TRDN: variants seen among roughly 807,000 people sequenced by gnomAD.
The protein encoded by TRDN is triadin in skeletal muscle.
Under a neutral mutation model 149.7 loss-of-function variants are expected in TRDN, and 161 were observed. The ratio of observed to expected loss-of-function variants is 1.08; its 90% CI spans 0.95 to 1.23. TRDN has a LOEUF of 1.23. TRDN is among the 50% of genes most tolerant of loss of function. The pLI is 0.00. For missense variants in TRDN, 896 were observed against 823.5 expected, an observed-to-expected ratio of 1.09 and a Z score of -1.08; for synonymous variants, 294 against 250.5, an observed-to-expected ratio of 1.17 and a Z score of -1.64.
chr6:123,344,588 T>C (rs1320849642), intron 21 of TRDN, among the ~76,000 whole-genome samples: 1 of 152,056 alleles, frequency 6.6e-6, no homozygotes. Flanking sequence ...TTCTTCTATG[T>C]ATTTTTATGG....
At chr6:123,227,885 T>A (rs569044764) in intron 38 of TRDN, among the ~76,000 whole-genome samples, 58 of 151,874 alleles carry the variant, frequency 3.8e-4, no homozygotes, top group African/African-American at 1.3e-3. Flanking sequence ...GAGAGAGAGG[T>A]CCTGCCCAAG....
intron 21 of TRDN, among the ~76,000 whole-genome samples, chr6:123,342,366 A>G (rs1354820601): frequency 3.9e-5 from 6 of 151,942 alleles, no homozygotes; most frequent in African/African-American, 1.2e-4. Context: ...CTTTCAAAGA[A>G]AATTTTATTA....
intron 2 of TRDN, among the ~76,000 whole-genome samples, chr6:123,561,037 C>G (rs1018457933): frequency 6.6e-6 from 1 of 152,182 alleles, no homozygotes; most frequent in African/African-American, 2.4e-5. Flanking sequence ...CTCACATGCC[C>G]CGAGTCAGAA....
At chr6:123,526,446 A>G (rs1254583536) in intron 5 of TRDN, among the ~76,000 whole-genome samples, 1 of 152,024 alleles carries the variant, frequency 6.6e-6, no homozygotes, top group Non-Finnish European at 1.5e-5. Context: ...GAACAAAAAG[A>G]AGAAAGAAAA....
intron 2 of TRDN, among the ~76,000 whole-genome samples, chr6:123,550,836 C>G (rs1357699025): frequency 2.0e-5 from 3 of 151,966 alleles, no homozygotes; most frequent in African/African-American, 4.8e-5. Flanking sequence ...TACTTTCACT[C>G]TTTGCACCCC....
At chr6:123,226,066 CA>C (rs763433214) in intron 38 of TRDN, among the ~76,000 whole-genome samples, 1 of 151,616 alleles carries the variant, frequency 6.6e-6, no homozygotes, top group Non-Finnish European at 1.5e-5. Flanking sequence ...AAGAACACAA[CA>C]GAAAAAGAAA....
chr6:123,602,337 A>T (rs1784318088), intron 1 of TRDN, among the ~76,000 whole-genome samples: 1 of 152,094 alleles, frequency 6.6e-6, no homozygotes, highest in African/African-American at 2.4e-5. Flanking sequence ...ATGGAAAACC[A>T]AATATCATAT....
chr6:123,245,348 C>T (rs780589192), intron 38 of TRDN, among the ~76,000 whole-genome samples: 13 of 151,922 alleles, frequency 8.6e-5, no homozygotes, highest in Middle Eastern at 3.4e-3. Context: ...TCAGGAGACA[C>T]GTCACACATG....
chr6:123,560,689 C>A (rs917059643), intron 2 of TRDN, among the ~76,000 whole-genome samples: 8 of 152,130 alleles, frequency 5.3e-5, no homozygotes, highest in Non-Finnish European at 1.2e-4. Flanking sequence ...CTCATCTGGC[C>A]ACTCTCACCC....
intron 1 of TRDN, among the ~76,000 whole-genome samples, chr6:123,573,113 A>T (rs1782663143): frequency 6.6e-6 from 1 of 152,060 alleles, no homozygotes; most frequent in African/African-American, 2.4e-5. Flanking sequence ...CAAGCAAAAA[A>T]GTTATGCTTT....
intron 24 of TRDN, among the ~76,000 whole-genome samples, chr6:123,282,887 G>A (rs186755988): frequency 2.6e-5 from 4 of 151,798 alleles, no homozygotes; most frequent in Admixed American, 2.6e-4. Context: ...GATCTTCACT[G>A]GAAAAACTTT....
At chr6:123,378,602 C>T (rs543003029) in intron 16 of TRDN, among the ~76,000 whole-genome samples, 2 of 151,980 alleles carry the variant, frequency 1.3e-5, no homozygotes, top group Admixed American at 1.3e-4. Context: ...CAGGCATGAG[C>T]CACAGCACCG....
At chr6:123,235,078 T>C (rs1369048475) in intron 38 of TRDN, among the ~76,000 whole-genome samples, 2 of 152,040 alleles carry the variant, frequency 1.3e-5, no homozygotes, top group Non-Finnish European at 1.5e-5. Flanking sequence ...ACAATATTTA[T>C]AACCAATTAG....
chr6:123,238,697 G>C (rs774538144), intron 38 of TRDN, among the ~76,000 whole-genome samples: 3 of 152,040 alleles, frequency 2.0e-5, no homozygotes, highest in Non-Finnish European at 4.4e-5. Context: ...AATATTGTTT[G>C]ATAGACACAT....
chr6:123,446,055 C>T (rs1775325013), intron 10 of TRDN, among the ~76,000 whole-genome samples: 1 of 151,372 alleles, frequency 6.6e-6, no homozygotes, highest in African/African-American at 2.5e-5. Context: ...ACTATGAAGC[C>T]ATAAAAAATG....
chr6:123,574,801 C>G (rs554427043), intron 1 of TRDN, among the ~76,000 whole-genome samples: 1 of 145,126 alleles, frequency 6.9e-6, no homozygotes, highest in Non-Finnish European at 1.5e-5. Context: ...TGAGTTGAAT[C>G]CTGGTCACAT....
intron 38 of TRDN, among the ~76,000 whole-genome samples, chr6:123,235,855 A>T (rs1052045599): frequency 6.6e-6 from 1 of 152,316 alleles, no homozygotes; most frequent in South Asian, 2.1e-4. Context: ...GAATTCATAT[A>T]ACTGCTGCAC....
chr6:123,424,481 T>A (rs373236276), intron 12 of TRDN, among the ~76,000 whole-genome samples: 1 of 152,134 alleles, frequency 6.6e-6, no homozygotes, highest in African/African-American at 2.4e-5. Flanking sequence ...GCTTTCTGTC[T>A]GCGTTTTTTT....
chr6:123,293,418 A>C (rs900110843), intron 24 of TRDN, among the ~76,000 whole-genome samples: 2 of 152,114 alleles, frequency 1.3e-5, no homozygotes, highest in African/African-American at 4.8e-5. Context: ...TTTCCCTGTG[A>C]TTCTTTGATT....
Sources: allele counts gnomAD v4.1 joint callset (sites outside exome capture counted in the v4.1 genomes callset), GRCh38; gene constraint gnomAD v4.1.1; transcripts MANE v1.5; gene names NCBI Gene and HGNC (gene_info 2026-07-23, HGNC 2026-07-21).